PTPN14: variants seen among roughly 807,000 people sequenced by gnomAD.
PTPN14 encodes tyrosine-protein phosphatase non-receptor type 14.
In PTPN14, 53 loss-of-function variants were observed where a neutral mutation model predicts 126.8. The observed-to-expected ratio is 0.42, with a 90% CI of 0.34 to 0.53. The LOEUF (loss-of-function observed/expected upper bound fraction) is 0.53. PTPN14 is among the 20% of genes least tolerant of loss of function. The probability of loss-of-function intolerance (pLI) is 0.08; values close to 1 mark genes in which losing one functional copy is unlikely to be tolerated. For synonymous variants in PTPN14, 630 were observed against 599.3 expected (o/e 1.05, Z -0.75); for missense variants, 1,257 against 1,552.9 (o/e 0.81, Z 3.20).
Position 214,459,025 on chromosome 1 carries a change from C to T in PTPN14, c.174+5605G>A, listed in dbSNP as rs146877752. On this transcript the variant is annotated intron_variant, in intron 2 of 18. Transcript: ENST00000366956. ...AAGCAGCAACTTATCCCTGATTTTT[C>T]CCTCATCTTTAAAACAATGAAAACA... 4.5e-3 allele frequency among the ~76,000 whole-genome samples: 683 copies of T among 152,268 alleles called. 4 individuals carry two copies. Among genetic ancestry groups the T allele is most frequent in the African/African-American group, 0.015 (630 of 41,546 alleles).
At chr1:214,460,948 G>A (rs988983345) in intron 2 of PTPN14, among the ~76,000 whole-genome samples, 3 of 151,850 alleles carry the variant, frequency 2.0e-5, no homozygotes, top group Non-Finnish European at 2.9e-5. Flanking sequence ...TGTAAACTCC[G>A]GACTCTGCAT....
At chr1:214,490,857 A>G (rs56040584) in intron 1 of PTPN14, among the ~76,000 whole-genome samples, 180 of 11,270 alleles carry the variant, frequency 0.016, 23 homozygotes, top group African/African-American at 0.031. Context: ...AAGGAAGGGA[A>G]GGGAGGGGAG....
At chr1:214,427,131 T>C (rs1210582018) in intron 3 of PTPN14, among the ~76,000 whole-genome samples, 1 of 151,666 alleles carries the variant, frequency 6.6e-6, no homozygotes, top group Non-Finnish European at 1.5e-5. Flanking sequence ...ATACAAAAAT[T>C]AGCCAGGCAT....
rs771884338 is a variant in PTPN14 at position 214,384,249 on chromosome 1, T to C, written c.1606A>G (p.Thr536Ala). 2 of 1,614,140 alleles carry C rather than the reference T, an allele frequency of 1.2e-6. No individual in the cohort carries two copies. The highest frequency in any genetic ancestry group is 2.2e-5 in the South Asian group (2 of 91,082). The change falls in exon 13 of 19, where the codon ACG becomes GCG. Residue 536 changes from threonine to alanine, a missense_variant. Transcript: ENST00000366956. This position sits in a 1 kb window ranked among gnomAD's most constrained non-coding sequence, Gnocchi z 5.3. ...SKPGASAISH[T>A]VSTPELANMQ... Reference sequence around the variant, plus strand: ...TTGGCCAGCTCTGGGGTGCTCACCGTGTGCGAGATGGCGCTTGCCCCCGGC... The same window carrying C: ...TTGGCCAGCTCTGGGGTGCTCACCGCGTGCGAGATGGCGCTTGCCCCCGGC...
chr1:214,472,825 G>T (rs546406772), intron 1 of PTPN14, among the ~76,000 whole-genome samples: 1 of 152,218 alleles, frequency 6.6e-6, no homozygotes, highest in Non-Finnish European at 1.5e-5. Context: ...TTATACTGGG[G>T]GTATTCTCAC....
At chr1:214,458,566 C>T (rs1473416430) in intron 2 of PTPN14, among the ~76,000 whole-genome samples, 1 of 151,896 alleles carries the variant, frequency 6.6e-6, no homozygotes, top group Admixed American at 6.6e-5. Flanking sequence ...GTAGAGGTGG[C>T]TACTATTACC....
intron 18 of PTPN14, among the ~76,000 whole-genome samples, chr1:214,359,375 G>T (rs901154625): frequency 4.6e-5 from 7 of 151,120 alleles, no homozygotes; most frequent in Non-Finnish European, 8.8e-5. Flanking sequence ...CACCATGCCT[G>T]GCTAATTTTT....
At chr1:214,490,843 A>AG in intron 1 of PTPN14, among the ~76,000 whole-genome samples, 1 of 43,408 alleles carries the variant, frequency 2.3e-5, no homozygotes, top group Non-Finnish European at 4.0e-5. Flanking sequence ...GGGAAAGGAA[A>AG]GGAAAGGAAG....
Position 214,355,020 on chromosome 1 carries a change from T to C in PTPN14, c.*2902A>G, listed in dbSNP as rs765262671. The stretch of plus-strand genomic sequence containing the variant: ...GCTGCTGCTAATTTAACAGGAGATA[T>C]GTTGGCATTTACTGGAGATGTGAAA... On this transcript the variant is annotated 3_prime_UTR_variant, in exon 19 of 19. Transcript: ENST00000366956. The C allele has an allele frequency of 2.0e-5, 3 of 152,206 alleles. No individual in the cohort carries two copies. Among genetic ancestry groups the C allele is most frequent in the Admixed American group, 1.3e-4 (2 of 15,280 alleles). The allele number at this position is 152,206 out of a possible 1,614,324, so 9.4% of individuals were successfully genotyped here.
At chr1:214,491,062 A>G (rs1661236227) in intron 1 of PTPN14, among the ~76,000 whole-genome samples, 1 of 143,026 alleles carries the variant, frequency 7.0e-6, no homozygotes, top group African/African-American at 2.5e-5. Flanking sequence ...AGAAAAACAA[A>G]GAAAGAAAGA....
In PTPN14 at chr1:214,472,236, C is replaced by T. The variant is rs144879904; in HGVS notation, c.-154-7279G>A. On this transcript the variant is annotated intron_variant, in intron 1 of 18. Coordinates refer to ENST00000366956, the MANE Select transcript of PTPN14 (RefSeq NM_005401.5). ...GGGGTGGATCCCTTCTGGCTTGGTG[C>T]TATCCTCAGGATACTGAGTTCTCCC... Among the ~76,000 whole-genome samples, 41 of 152,244 alleles carry T rather than the reference C, an allele frequency of 2.7e-4. No homozygotes were observed. The East Asian group carries it at 4.1e-3, about 15-fold the overall frequency.
chr1:214,450,144 A>ATAAATAAAT (rs1157261536), intron 3 of PTPN14, among the ~76,000 whole-genome samples: 8 of 146,044 alleles, frequency 5.5e-5, no homozygotes, highest in Non-Finnish European at 1.2e-4. Flanking sequence ...AAATAAATAA[A>ATAAATAAAT]TAAATAAATA....
intron 1 of PTPN14, among the ~76,000 whole-genome samples, chr1:214,491,428 C>A (rs1439601228): frequency 4.6e-5 from 7 of 152,194 alleles, no homozygotes; most frequent in Non-Finnish European, 1.5e-5. Context: ...GAAGACAATC[C>A]TTCCACAAAT....
At chr1:214,527,083 C>CAACA (rs1473869234) in intron 1 of PTPN14, among the ~76,000 whole-genome samples, 5 of 150,912 alleles carry the variant, frequency 3.3e-5, no homozygotes, top group Non-Finnish European at 3.0e-5. Flanking sequence ...AACAGCAAAA[C>CAACA]TCCATCTCCA....
At chr1:214,534,863 C>T (rs2102475499) in intron 1 of PTPN14, among the ~76,000 whole-genome samples, 1 of 152,206 alleles carries the variant, frequency 6.6e-6, no homozygotes, top group South Asian at 2.1e-4. Flanking sequence ...TGAGTCTTGG[C>T]TTGGTCATGT....
intron 15 of PTPN14, 81 bp from the exon 16 acceptor site, chr1:214,372,920 A>G: frequency 6.5e-7 from 1 of 1,548,434 alleles, no homozygotes; most frequent in Non-Finnish European, 8.7e-7. Context: ...ATCTGTATCC[A>G]CCTTAAAACC....
chr1:214,476,766 T>G (rs996172082), intron 1 of PTPN14, among the ~76,000 whole-genome samples: 4 of 152,154 alleles, frequency 2.6e-5, no homozygotes, highest in Non-Finnish European at 4.4e-5. Context: ...GCTCCCTGCA[T>G]TTCTAACATG....
At chr1:214,543,296 A>T (rs1370135820) in intron 1 of PTPN14, among the ~76,000 whole-genome samples, 1 of 152,196 alleles carries the variant, frequency 6.6e-6, no homozygotes, top group Non-Finnish European at 1.5e-5. Flanking sequence ...TTCTCCCATG[A>T]TCTACAACAT....
At chr1:214,490,009 A>C (rs1274582706) in intron 1 of PTPN14, among the ~76,000 whole-genome samples, 1 of 152,220 alleles carries the variant, frequency 6.6e-6, no homozygotes. Flanking sequence ...AATAAATGTT[A>C]GTTACTAGTA....
Sources: allele counts gnomAD v4.1 joint callset (sites outside exome capture counted in the v4.1 genomes callset), GRCh38; gene constraint gnomAD v4.1.1; non-coding constraint Gnocchi (gnomAD v3.1); transcripts MANE v1.5; gene names NCBI Gene and HGNC (gene_info 2026-07-23, HGNC 2026-07-21).